CCDC102B: variants seen among roughly 807,000 people sequenced by gnomAD.
CCDC102B encodes the protein coiled-coil domain-containing protein 102B.
Under a neutral mutation model 57.4 loss-of-function variants are expected in CCDC102B, and 75 were observed. The observed-to-expected ratio is 1.31, with a 90% confidence interval of 1.08 to 1.58. The LOEUF (loss-of-function observed/expected upper bound fraction) is 1.58. Among genes scored for constraint, CCDC102B ranks in the 40% most tolerant of loss-of-function variants. The pLI, the probability that CCDC102B is intolerant of heterozygous loss-of-function variation, is 0.00. For missense variants in CCDC102B, 636 were observed against 582.6 expected (o/e 1.09, Z -0.94); for synonymous variants, 206 against 201.9 (o/e 1.02, Z -0.17).
intron 7 of CCDC102B, among the ~76,000 whole-genome samples, chr18:69,037,606 T>G (rs2052329265): frequency 1.3e-5 from 2 of 151,936 alleles, no homozygotes; most frequent in South Asian, 4.2e-4. Context: ...CCTCAGGTGA[T>G]TTATGAGAAG....
intron 6 of CCDC102B, among the ~76,000 whole-genome samples, chr18:68,903,432 T>C (rs1262218575): frequency 6.6e-6 from 1 of 152,114 alleles, no homozygotes; most frequent in Non-Finnish European, 1.5e-5. Context: ...AACACTCAAG[T>C]GTAATATTTA....
chr18:69,041,421 A>T (rs1342881735), intron 7 of CCDC102B, among the ~76,000 whole-genome samples: 1 of 152,088 alleles, frequency 6.6e-6, no homozygotes. Context: ...GCTATATTAC[A>T]TAACCATTTC....
At chr18:68,753,936 A>G (rs1304348045) in intron 2 of CCDC102B, 1 of 152,078 alleles carries the variant, frequency 6.6e-6, no homozygotes, top group Non-Finnish European at 1.5e-5. Context: ...ACTTTTTTTC[A>G]ATAATAAAAA....
chr18:68,775,515 TGATA>T (rs2034780690), intron 2 of CCDC102B, among the ~76,000 whole-genome samples: 1 of 152,154 alleles, frequency 6.6e-6, no homozygotes, highest in Non-Finnish European at 1.5e-5. Context: ...ATACATGAAA[TGATA>T]GATTTAGAGG....
At chr18:68,786,517 C>T (rs369051153) in intron 2 of CCDC102B, among the ~76,000 whole-genome samples, 3,792 of 137,536 alleles carry the variant, frequency 0.028, 39 homozygotes, top group African/African-American at 0.07. Flanking sequence ...CAGTGGTTTG[C>T]AGTTCTCCTT....
At chr18:69,006,227 A>G (rs572725274) in intron 6 of CCDC102B, among the ~76,000 whole-genome samples, 1 of 152,228 alleles carries the variant, frequency 6.6e-6, no homozygotes, top group South Asian at 2.1e-4. Context: ...AGATAATAAT[A>G]GCATCTAACA....
chr18:68,999,507 G>A (rs2051142624), intron 6 of CCDC102B, among the ~76,000 whole-genome samples: 1 of 151,914 alleles, frequency 6.6e-6, no homozygotes, highest in Non-Finnish European at 1.5e-5. Flanking sequence ...TCGAGAGGCT[G>A]AGTTTTGAGA....
chr18:68,814,893 G>C lies in CCDC102B; in HGVS notation c.-16+16712G>C, dbSNP rs148839878. Among the ~76,000 whole-genome samples the C allele has an allele frequency of 2.9e-3, 443 of 152,048 alleles. 2 individuals carry two copies. The highest frequency in any genetic ancestry group is 4.5e-3 in the Admixed American group (69 of 15,268). ...TTTTCTAAGGAAAACTAATAATCCA[G>C]AAATATTAGAATAGATTTCTTCTTC... On this transcript the variant is annotated intron_variant, in intron 1 of 7. Coordinates refer to ENST00000360242, the MANE Select transcript of CCDC102B (RefSeq NM_024781.3).
chr18:68,849,069 A>T (rs2038005679), intron 4 of CCDC102B, among the ~76,000 whole-genome samples: 1 of 152,084 alleles, frequency 6.6e-6, no homozygotes, highest in Non-Finnish European at 1.5e-5. Flanking sequence ...AATATTTATA[A>T]ATACTTTCAG....
At chr18:68,993,536 G>A (rs1163481189) in intron 6 of CCDC102B, among the ~76,000 whole-genome samples, 1 of 152,116 alleles carries the variant, frequency 6.6e-6, no homozygotes, top group African/African-American at 2.4e-5. Flanking sequence ...ACATATTAGT[G>A]TACTCACAAC....
At chr18:68,746,882 C>T (rs1270447930) in intron 2 of CCDC102B, among the ~76,000 whole-genome samples, 1 of 151,984 alleles carries the variant, frequency 6.6e-6, no homozygotes. Context: ...CATCTATCAC[C>T]TTATATACCC....
chr18:69,055,318 G>A (rs376009163), downstream of CCDC102B: 15 of 204,782 alleles, frequency 7.3e-5, no homozygotes, highest in South Asian at 1.5e-3. Context: ...CTTCAAGTGC[G>A]CACTGGTGTG....
At chr18:68,944,438 G>A (rs1249959757) in intron 6 of CCDC102B, among the ~76,000 whole-genome samples, 1 of 152,100 alleles carries the variant, frequency 6.6e-6, no homozygotes, top group African/African-American at 2.4e-5. Flanking sequence ...CCAAGATCCA[G>A]TAGCTAGAAG....
intron 5 of CCDC102B, among the ~76,000 whole-genome samples, chr18:68,891,540 T>G (rs939261000): frequency 1.3e-5 from 2 of 152,250 alleles, no homozygotes; most frequent in Admixed American, 6.5e-5. Flanking sequence ...AAAGTGTGTA[T>G]TGTTTTGCTC....
chr18:68,928,735 TTAGG>T lies in CCDC102B; in HGVS notation c.1263+31311_1263+31314del, dbSNP rs1444494028. On this transcript the variant is annotated intron_variant, in intron 6 of 7. Coordinates refer to ENST00000360242, the MANE Select transcript of CCDC102B (RefSeq NM_024781.3). ...AACTAGAAATTTAATAATCGTTACG[TTAGG>T]TAGTAGGGTAAATTTTTTAATTAAC... Among the ~76,000 whole-genome samples, 5 of 151,928 alleles carry T rather than the reference TTAGG, an allele frequency of 3.3e-5. 1 individual carries two copies. In the South Asian group the frequency reaches 8.3e-4, roughly 25 times the overall value.
chr18:68,986,066 C>CA (rs34976988), intron 6 of CCDC102B, among the ~76,000 whole-genome samples: 1,671 of 152,186 alleles, frequency 0.011, 43 homozygotes, highest in African/African-American at 0.038. Context: ...TATTTATCTT[C>CA]AAAACCAAGA....
At chr18:68,988,774 T>C (rs1255326536) in intron 6 of CCDC102B, among the ~76,000 whole-genome samples, 3 of 152,196 alleles carry the variant, frequency 2.0e-5, no homozygotes, top group African/African-American at 7.2e-5. Flanking sequence ...ACCATTATAT[T>C]GCATGGACTA....
chr18:69,050,143 A>G (rs2052668459), intron 7 of CCDC102B, among the ~76,000 whole-genome samples: 1 of 151,326 alleles, frequency 6.6e-6, no homozygotes, highest in East Asian at 1.9e-4. Context: ...GATATTGTCT[A>G]TGAGCCAAGT....
At chr18:69,040,948 G>C (rs1261765714) in intron 7 of CCDC102B, among the ~76,000 whole-genome samples, 1 of 151,946 alleles carries the variant, frequency 6.6e-6, no homozygotes, top group African/African-American at 2.4e-5. Flanking sequence ...CAGCTGGACT[G>C]CAAAAGAAAG....
Sources: allele counts gnomAD v4.1 joint callset (sites outside exome capture counted in the v4.1 genomes callset), GRCh38; gene constraint gnomAD v4.1.1; transcripts MANE v1.5; gene names NCBI Gene and HGNC (gene_info 2026-07-23, HGNC 2026-07-21).